The following ERI3 variants were observed in gnomAD, a reference collection of about 807,000 sequenced individuals.
ERI3 encodes ERI1 exoribonuclease 3.
ERI3 carries 18 observed loss-of-function variants against 44.4 expected under a neutral mutation model. That is an observed-to-expected ratio of 0.41 (90% CI 0.28 to 0.60). The LOEUF (loss-of-function observed/expected upper bound fraction) is 0.60. ERI3 is among the 20% of genes least tolerant of loss of function. ERI3 has a pLI of 0.36. For missense variants in ERI3, 294 were observed against 435.5 expected (o/e 0.68, Z 2.89); for synonymous variants, 183 against 164.8 (o/e 1.11, Z -0.84).
Position 44,221,113 on chromosome 1 carries a change from T to G in ERI3, c.*445A>C. ...CAGTGCCTCGTTTCCCCGACTTTAT[T>G]CAGTGGCACGTTCACAGCGGGGATG... On this transcript the variant is annotated 3_prime_UTR_variant, in exon 9 of 9. Coordinates refer to ENST00000372257, the MANE Select transcript of ERI3 (RefSeq NM_024066.3). This position sits in a 1 kb window ranked among gnomAD's most constrained non-coding sequence, Gnocchi z 5.9. 1 of 267,638 alleles carries G rather than the reference T, an allele frequency of 3.7e-6. No individual in the cohort carries two copies. Among genetic ancestry groups the G allele is most frequent in the Admixed American group, 5.0e-5 (1 of 20,188 alleles). The allele number at this position is 267,638 out of a possible 1,614,324, so 16.6% of individuals were successfully genotyped here.
intron 3 of ERI3, chr1:44,322,919 G>C: frequency 6.7e-7 from 1 of 1,482,472 alleles, no homozygotes; most frequent in Non-Finnish European, 9.0e-7. Flanking sequence ...CAACACTACA[G>C]GTTAGTGGCA....
chr1:44,328,967 T>C (rs1029036170), intron 3 of ERI3, among the ~76,000 whole-genome samples: 98 of 152,190 alleles, frequency 6.4e-4, no homozygotes, highest in African/African-American at 2.3e-3. Flanking sequence ...CTTCACAGAG[T>C]AGACTGGCAC....
At chr1:44,339,670 G>T (rs1451954328) in intron 2 of ERI3, among the ~76,000 whole-genome samples, 1 of 152,162 alleles carries the variant, frequency 6.6e-6, no homozygotes, top group Non-Finnish European at 1.5e-5. Flanking sequence ...TTCTCAGGTG[G>T]CAACAGTTAA....
At chr1:44,227,400 A>G (rs1041470579) in intron 8 of ERI3, among the ~76,000 whole-genome samples, 2 of 152,108 alleles carry the variant, frequency 1.3e-5, no homozygotes, top group African/African-American at 4.8e-5. Context: ...GGGTGTGTCC[A>G]CGTTCTAGAA....
At chr1:44,335,230 C>G (rs1272613205) in intron 3 of ERI3, among the ~76,000 whole-genome samples, 2 of 151,954 alleles carry the variant, frequency 1.3e-5, no homozygotes, top group East Asian at 3.9e-4. Context: ...ATAGTCCCAG[C>G]TACTTGGTAG....
At chr1:44,333,991 C>A (rs186826734) in intron 3 of ERI3, among the ~76,000 whole-genome samples, 3 of 152,362 alleles carry the variant, frequency 2.0e-5, no homozygotes, top group Non-Finnish European at 4.4e-5. Context: ...CCCCAAACGT[C>A]ATTTTTCTCC....
intron 7 of ERI3, among the ~76,000 whole-genome samples, chr1:44,256,454 C>G (rs1264240159): frequency 1.3e-5 from 2 of 152,200 alleles, no homozygotes; most frequent in Non-Finnish European, 2.9e-5. Context: ...ACACTTGCAT[C>G]AGGTGACACA....
At chr1:44,288,893 A>T (rs1645447767) in intron 6 of ERI3, among the ~76,000 whole-genome samples, 1 of 151,924 alleles carries the variant, frequency 6.6e-6, no homozygotes, top group South Asian at 2.1e-4. Context: ...AATGCTGTAC[A>T]TTCCTACCAG....
intron 8 of ERI3, among the ~76,000 whole-genome samples, chr1:44,246,765 C>A (rs1208339363): frequency 6.6e-6 from 1 of 152,216 alleles, no homozygotes; most frequent in African/African-American, 2.4e-5. Flanking sequence ...TGTGAGCTCA[C>A]TGAGAACAGA....
At position 44,292,048 on chromosome 1, in the gene ERI3, GC is replaced by G. The variant is rs974928091; in HGVS notation, c.759-7142del. 3.9e-5 allele frequency among the ~76,000 whole-genome samples: 6 copies of G among 152,236 alleles called. 1 individual carries two copies. The highest frequency in any genetic ancestry group is 7.3e-5 in the Non-Finnish European group (5 of 68,038). ...TAAAGGAGCCAACCAAGGGTAACAT[GC>G]TTTACAAATAAGGCCTCATAGAAGG... On this transcript the variant is annotated intron_variant, in intron 6 of 8. Coordinates refer to ENST00000372257, the MANE Select transcript of ERI3 (RefSeq NM_024066.3).
At chr1:44,273,842 T>C (rs1282062899) in intron 7 of ERI3, among the ~76,000 whole-genome samples, 1 of 152,064 alleles carries the variant, frequency 6.6e-6, no homozygotes, top group Non-Finnish European at 1.5e-5. Context: ...GGGAACAGTA[T>C]ATGTAAGGGG....
At chr1:44,237,076 CG>C (rs1234518760) in intron 8 of ERI3, among the ~76,000 whole-genome samples, 3 of 152,088 alleles carry the variant, frequency 2.0e-5, no homozygotes, top group African/African-American at 7.2e-5. Context: ...GCGCCTGGCC[CG>C]GGGACTTGTG....
At chr1:44,325,579 TAAC>T (rs1191766579) in intron 3 of ERI3, among the ~76,000 whole-genome samples, 4 of 152,128 alleles carry the variant, frequency 2.6e-5, no homozygotes, top group African/African-American at 4.8e-5. Context: ...GAAGATAGAA[TAAC>T]AACAAGAGGA....
At chr1:44,243,602 G>A (rs2154317714) in intron 8 of ERI3, 2 of 152,278 alleles carry the variant, frequency 1.3e-5, no homozygotes, top group South Asian at 4.1e-4. Flanking sequence ...AACTTTCCTG[G>A]GCCATGAGGT....
chr1:44,318,812 A>C lies in ERI3; in HGVS notation c.606+816T>G, dbSNP rs150059424. ...AATGTACCTCAGCCCCAGACTCTTA[A>C]AAGATTCTCATCACCCCTGCTACCA... On this transcript the variant is annotated intron_variant, in intron 4 of 8. Coordinates refer to ENST00000372257, the MANE Select transcript of ERI3 (RefSeq NM_024066.3). Among the ~76,000 whole-genome samples, 925 of 152,340 alleles carry C rather than the reference A, an allele frequency of 6.1e-3. 3 individuals carry two copies. The highest frequency in any genetic ancestry group is 9.5e-3 in the Non-Finnish European group (647 of 68,032).
intron 7 of ERI3, among the ~76,000 whole-genome samples, chr1:44,253,464 C>T (rs1644722785): frequency 1.3e-5 from 2 of 152,206 alleles, no homozygotes; most frequent in Admixed American, 1.3e-4. Flanking sequence ...TTCCCTCTCC[C>T]TTTCCCAGGG....
intron 1 of ERI3, 70 bp downstream of exon 1, chr1:44,354,822 G>T (rs1646964732): frequency 5.4e-6 from 7 of 1,307,948 alleles, no homozygotes; most frequent in Non-Finnish European, 6.9e-6. Flanking sequence ...TAAATTCTGC[G>T]CACCGCGACC....
rs1191958315 is a variant in ERI3, at chr1:44,252,622, G to A, written c.832-4584C>T. 6.6e-6 allele frequency among the ~76,000 whole-genome samples: 1 copy of A among 152,236 alleles called. No individual in the cohort carries two copies. Among genetic ancestry groups the A allele is most frequent in the Non-Finnish European group, 1.5e-5 (1 of 68,042 alleles). On this transcript the variant is annotated intron_variant, in intron 7 of 8. Coordinates refer to ENST00000372257, the MANE Select transcript of ERI3 (RefSeq NM_024066.3). The surrounding 1 kb of genome is among the most constrained non-coding windows in gnomAD (Gnocchi z 4.7). ...CACTGTCAGTCCCATCACAAACACG[G>A]CGCCCGGCGGCTTATGGGGGCTTAG...
intron 7 of ERI3, among the ~76,000 whole-genome samples, chr1:44,281,588 GAA>G (rs769332763): frequency 6.7e-5 from 7 of 103,818 alleles, no homozygotes; most frequent in African/African-American, 2.6e-4. Flanking sequence ...ACCCCGTCTC[GAA>G]AAAAAAAAAA....
Sources: gnomAD v4.1 joint callset for allele counts (sites outside exome capture counted in the v4.1 genomes callset) on GRCh38, gnomAD v4.1.1 for gene constraint, Gnocchi (gnomAD v3.1) non-coding constraint, MANE v1.5 for transcripts, NCBI Gene and HGNC (gene_info 2026-07-23, HGNC 2026-07-21) for gene names.